The following TIA1 variants were observed in gnomAD, a reference collection of about 807,000 sequenced individuals.
TIA1 encodes TIA1 cytotoxic granule associated RNA binding protein.
In TIA1, 23 loss-of-function variants were observed where a neutral mutation model predicts 65.9. The ratio of observed to expected loss-of-function variants is 0.35; its 90% CI spans 0.25 to 0.49. The LOEUF (loss-of-function observed/expected upper bound fraction) is 0.49. TIA1 is among the 20% of genes least tolerant of loss of function. The pLI is 0.98. For missense variants in TIA1, 371 were observed against 477.9 expected, an observed-to-expected ratio of 0.78 and a Z score of 2.09; for synonymous variants, 147 against 149.4, an observed-to-expected ratio of 0.98 and a Z score of 0.12.
In TIA1 at chr2:70,248,404, C is replaced by G; in HGVS notation, c.26+1G>C. On this transcript the variant is annotated splice_donor_variant, in intron 1 of 12. Coordinates refer to ENST00000433529, the MANE Select transcript of TIA1 (RefSeq NM_022173.4). LOFTEE classifies it high-confidence loss of function. ...CTCCCTCATCGCTGCCCCAGACTCA[C>G]AGAGTCTTGGGCATCTCGTCCTCCA... The G allele has an allele frequency of 6.2e-7, 1 of 1,600,344 alleles. No homozygotes were observed. The highest frequency in any genetic ancestry group is 8.5e-7 in the Non-Finnish European group (1 of 1,179,844).
At chr2:70,218,270 G>A (rs1169193064) in intron 7 of TIA1, among the ~76,000 whole-genome samples, 1 of 152,216 alleles carries the variant, frequency 6.6e-6, no homozygotes, top group Non-Finnish European at 1.5e-5. Flanking sequence ...CCCCAGTAGA[G>A]AGAAAAGTAT....
intron 7 of TIA1, among the ~76,000 whole-genome samples, chr2:70,220,805 A>C (rs1680943676): frequency 6.6e-6 from 1 of 151,712 alleles, no homozygotes; most frequent in Non-Finnish European, 1.5e-5. Flanking sequence ...AACTCTTGAG[A>C]ATTATAGCCA....
chr2:70,228,911 G>A (rs1446287845), intron 5 of TIA1, 148 bp downstream of exon 5: 2 of 1,478,688 alleles, frequency 1.4e-6, no homozygotes, highest in Non-Finnish European at 1.8e-6. Context: ...GGTCAACACT[G>A]AGAAGGGAGA....
At chr2:70,234,430 G>A (rs1558894265) in intron 2 of TIA1, among the ~76,000 whole-genome samples, 5 of 152,026 alleles carry the variant, frequency 3.3e-5, no homozygotes, top group South Asian at 2.1e-4. Flanking sequence ...AAGGCATACC[G>A]ATATTAAATG....
At chr2:70,214,093 A>T (rs944527826) in intron 12 of TIA1, among the ~76,000 whole-genome samples, 3 of 152,226 alleles carry the variant, frequency 2.0e-5, no homozygotes, top group Non-Finnish European at 4.4e-5. Flanking sequence ...GTACAGAAAA[A>T]AGCATAATGA....
intron 1 of TIA1, among the ~76,000 whole-genome samples, chr2:70,244,677 T>C (rs184191141): frequency 1.3e-4 from 19 of 151,188 alleles, no homozygotes; most frequent in African/African-American, 4.1e-4. Context: ...CTACTACAAA[T>C]ACAAAAAATT....
rs1046179913 is a variant in TIA1 at position 70,211,349 on chromosome 2, A to G, written c.*1370T>C. ...GGGAACTCCAGGAAAACAGGTACCAAACGAATCAAAATAATGATTGCACTG... is the reference window on the plus strand; with the variant it reads ...GGGAACTCCAGGAAAACAGGTACCAGACGAATCAAAATAATGATTGCACTG... On this transcript the variant is annotated 3_prime_UTR_variant, in exon 13 of 13. Transcript: ENST00000433529. 1.3e-5 allele frequency: 2 copies of G among 152,210 alleles called. No homozygotes were observed. Among genetic ancestry groups the G allele is most frequent in the African/African-American group, 4.8e-5 (2 of 41,454 alleles). 9.4% of individuals were successfully genotyped at this position (152,210 alleles called of 1,614,324 possible).
At chr2:70,230,579 G>C (rs1419991102) in intron 3 of TIA1, among the ~76,000 whole-genome samples, 177 bp downstream of exon 3, 1 of 150,910 alleles carries the variant, frequency 6.6e-6, no homozygotes, top group African/African-American at 2.4e-5. Flanking sequence ...TTGAACCCAG[G>C]AGGCAGAGGT....
At chr2:70,235,176 G>C (rs1376312074) in intron 2 of TIA1, among the ~76,000 whole-genome samples, 2 of 152,176 alleles carry the variant, frequency 1.3e-5, no homozygotes, top group Non-Finnish European at 2.9e-5. Context: ...AGTACTTTGG[G>C]AGGCCAAGAC....
chr2:70,216,318 C>T (rs1194905432), intron 9 of TIA1, 26 bp from the exon 10 acceptor site: 2 of 1,579,106 alleles, frequency 1.3e-6, no homozygotes, highest in African/African-American at 1.4e-5. Flanking sequence ...CCAAAACAAA[C>T]AAATCACACT....
At chr2:70,224,907 G>A in intron 6 of TIA1, 1 of 1,147,362 alleles carries the variant, frequency 8.7e-7, no homozygotes, top group East Asian at 4.7e-5. Flanking sequence ...ATTAAGCATG[G>A]TGAAAGCAGC....
chr2:70,248,352 T>G, intron 1 of TIA1, 53 bp downstream of exon 1: 6 of 1,582,252 alleles, frequency 3.8e-6, no homozygotes, highest in Non-Finnish European at 5.1e-6. Flanking sequence ...GGCCGAGGCC[T>G]TCCCTCCGGG....
chr2:70,215,589 AAC>A (rs1418933166), intron 10 of TIA1, 95 bp from the exon 11 acceptor site: 9 of 1,177,886 alleles, frequency 7.6e-6, no homozygotes, highest in South Asian at 1.6e-5. Flanking sequence ...TCTGAGGTAA[AAC>A]AGTTTGCGTA....
At chr2:70,230,241 CAAAA>C (rs111994578) in intron 3 of TIA1, among the ~76,000 whole-genome samples, 7 of 96,986 alleles carry the variant, frequency 7.2e-5, no homozygotes, top group Admixed American at 3.4e-4. Flanking sequence ...AGACCCAACT[CAAAA>C]AAAAAAAAAA....
intron 2 of TIA1, 129 bp downstream of exon 2, chr2:70,235,950 T>G (rs1558908221): frequency 2.8e-5 from 14 of 507,864 alleles, no homozygotes; most frequent in Non-Finnish European, 3.4e-6. Context: ...AGACTATATT[T>G]AGACTACAGT....
Position 70,212,513 on chromosome 2 carries a change from G to C in TIA1, c.*206C>G, listed in dbSNP as rs1001549566. 4 of 415,302 alleles carry C rather than the reference G, an allele frequency of 9.6e-6. No homozygotes were observed. Among genetic ancestry groups the C allele is most frequent in the African/African-American group, 8.0e-5 (4 of 49,908 alleles). The allele number at this position is 415,302 out of a possible 1,614,324, so 25.7% of individuals were successfully genotyped here. On this transcript the variant is annotated 3_prime_UTR_variant, in exon 13 of 13. Transcript: ENST00000433529. ...AACTTTATCAAAAAAGGTAATGAAGGCAAAAATTGGCAGACATCCAGCATC... is the reference window on the plus strand; with the variant it reads ...AACTTTATCAAAAAAGGTAATGAAGCCAAAAATTGGCAGACATCCAGCATC...
At chr2:70,244,834 C>CAAAAA (rs70956958) in intron 1 of TIA1, among the ~76,000 whole-genome samples, 40 of 53,390 alleles carry the variant, frequency 7.5e-4, no homozygotes, top group African/African-American at 8.2e-4. Context: ...GACTCTGTCT[C>CAAAAA]AAAAAAAAAA....
intron 1 of TIA1, among the ~76,000 whole-genome samples, chr2:70,245,320 C>T (rs541374583): frequency 1.3e-5 from 2 of 152,266 alleles, no homozygotes; most frequent in South Asian, 4.1e-4. Context: ...CTATAATTTA[C>T]AGATCTGCAT....
intron 5 of TIA1, 158 bp from the exon 6 acceptor site, chr2:70,227,980 T>A: frequency 2.2e-5 from 10 of 446,578 alleles, no homozygotes; most frequent in South Asian, 4.3e-5. Context: ...CTACCAATTT[T>A]AAACAATGAA....
Sources: gnomAD v4.1 joint callset for allele counts (sites outside exome capture counted in the v4.1 genomes callset) on GRCh38, gnomAD v4.1.1 for gene constraint, MANE v1.5 for transcripts, NCBI Gene and HGNC (gene_info 2026-07-23, HGNC 2026-07-21) for gene names.